Variants in ARVCF observed in about 807,000 individuals in gnomAD.
ARVCF encodes ARVCF delta catenin family member, also known as splicing regulator ARVCF.
ARVCF carries 66 observed loss-of-function variants against 90.9 expected under a neutral mutation model. The ratio of observed to expected loss-of-function variants is 0.73; its 90% CI spans 0.60 to 0.89. ARVCF has a LOEUF of 0.89. ARVCF is among the 40% of genes least tolerant of loss of function. The pLI, the probability that ARVCF is intolerant of heterozygous loss-of-function variation, is 0.00. For synonymous variants in ARVCF, 653 were observed against 603.4 expected, an observed-to-expected ratio of 1.08 and a Z score of -1.21; for missense variants, 1,469 against 1,382.3, an observed-to-expected ratio of 1.06 and a Z score of -1.00.
intron 4 of ARVCF, 52 bp from the exon 5 acceptor site, chr22:19,981,789 G>C: frequency 6.5e-7 from 1 of 1,549,544 alleles, no homozygotes; most frequent in Non-Finnish European, 8.7e-7. Flanking sequence ...CCTAGAAACT[G>C]CTTTGCTGGG....
chr22:19,990,214 G>A (rs1943973128), intron 3 of ARVCF, among the ~76,000 whole-genome samples: 1 of 152,190 alleles, frequency 6.6e-6, no homozygotes, highest in Admixed American at 6.5e-5. Flanking sequence ...GCCTCCTCCT[G>A]GGGCTGACCC....
downstream of ARVCF, chr22:19,968,914 T>C: frequency 1.6e-6 from 1 of 617,836 alleles, no homozygotes; most frequent in South Asian, 1.9e-5. Context: ...ATTGTTCTTT[T>C]TTAAGACTCA....
rs1196167114 is a variant in ARVCF, at chr22:19,973,101, G to A, written c.2438+18C>T. The A allele has an allele frequency of 2.7e-6, 3 of 1,105,606 alleles. No homozygotes were observed. Among genetic ancestry groups the A allele is most frequent in the Admixed American group, 2.1e-5 (1 of 47,714 alleles). 68.5% of individuals were successfully genotyped at this position (1,105,606 alleles called of 1,614,324 possible). On this transcript the variant is annotated intron_variant, in intron 14 of 19. Coordinates refer to ENST00000263207, the MANE Select transcript of ARVCF (RefSeq NM_001670.3). ...CACCTCCGCGGCTCCCCAAGCCACC[G>A]ACCCCGCCCCTCCACACCTGGAGGC... is the stretch of plus-strand genomic sequence containing the variant.
At chr22:19,968,901 T>C, downstream of ARVCF, 1 of 640,068 alleles carries the variant, frequency 1.6e-6, no homozygotes, top group Non-Finnish European at 2.8e-6. Context: ...ACTGCAACAC[T>C]GGATTGTTCT....
chr22:19,998,245 C>A (rs1445119684), intron 2 of ARVCF, among the ~76,000 whole-genome samples: 2 of 152,252 alleles, frequency 1.3e-5, no homozygotes, highest in South Asian at 2.1e-4. Context: ...CCCTTTCCCC[C>A]CTCATTGGAA....
intron 2 of ARVCF, among the ~76,000 whole-genome samples, chr22:19,993,989 G>A (rs772682918): frequency 1.3e-5 from 2 of 152,318 alleles, no homozygotes; most frequent in East Asian, 1.9e-4. Context: ...CAGGTGGCCC[G>A]AGGAGAGAAG....
intron 6 of ARVCF, chr22:19,979,384 G>C (rs1423123137): frequency 3.9e-6 from 2 of 514,518 alleles, no homozygotes; most frequent in East Asian, 6.6e-5. Flanking sequence ...GAGACACGGT[G>C]ACCCTACCTG....
At chr22:19,969,659 C>A, downstream of ARVCF, 1 of 188,534 alleles carries the variant, frequency 5.3e-6, no homozygotes, top group Non-Finnish European at 9.9e-6. Flanking sequence ...AGATTCTACT[C>A]CTGGGCTCAA....
intron 6 of ARVCF, 187 bp downstream of exon 6, chr22:19,979,556 G>A (rs1179964195): frequency 2.2e-6 from 2 of 905,366 alleles, no homozygotes; most frequent in Non-Finnish European, 3.2e-6. Context: ...CTATGGTAGA[G>A]ACTGGGGAAC....
At position 19,974,119 on chromosome 22, in the gene ARVCF, T is replaced by C. The variant is rs550149998; in HGVS notation, c.2081A>G (p.Asn694Ser). The part of the protein sequence containing the change: ...AGALQNLSAG[N>S]WMWATYIRAT... Reference sequence around the variant, plus strand: ...CCCGACCTGGTCCCTCACCATCCAGTTGCCGGCACTGAGGTTCTGCAGAGC... The same window carrying C: ...CCCGACCTGGTCCCTCACCATCCAGCTGCCGGCACTGAGGTTCTGCAGAGC... Residue 694 changes from asparagine (N) to serine (S), a missense_variant, in exon 12 of 20, where the codon AAC (asparagine) becomes AGC (serine). Transcript: ENST00000263207. 2.5e-5 allele frequency: 40 copies of C among 1,609,924 alleles called. No homozygotes were observed. In the East Asian group the frequency reaches 7.4e-4, roughly 30 times the overall value.
chr22:20,002,963 A>G (rs1400485627), intron 2 of ARVCF, among the ~76,000 whole-genome samples: 1 of 152,230 alleles, frequency 6.6e-6, no homozygotes, highest in Non-Finnish European at 1.5e-5. Context: ...TACAAATCCA[A>G]GAACCACAAA....
chr22:20,011,211 C>T (rs1159890624), intron 1 of ARVCF, among the ~76,000 whole-genome samples: 1 of 152,218 alleles, frequency 6.6e-6, no homozygotes, highest in Non-Finnish European at 1.5e-5. Flanking sequence ...GAGGACCCTG[C>T]GGCTTCCTGT....
chr22:19,979,327 C>A lies in ARVCF; in HGVS notation c.1397-247G>T. 9.1e-6 allele frequency: 5 copies of A among 548,986 alleles called. No individual in the cohort carries two copies. In the South Asian group the frequency reaches 1.2e-4, roughly 13 times the overall value. 34.0% of individuals were successfully genotyped at this position (548,986 alleles called of 1,614,324 possible). ...GCTGTCCCGTCCCACCCATTCCCTG[C>A]CATGTGGCAGGTGGCACTAACACTC... On this transcript the variant is annotated intron_variant, in intron 6 of 19. Transcript: ENST00000263207.
At chr22:19,986,176 T>C (rs905798026) in intron 3 of ARVCF, among the ~76,000 whole-genome samples, 6 of 152,198 alleles carry the variant, frequency 3.9e-5, no homozygotes, top group African/African-American at 1.4e-4. Context: ...CAAGCTCAGC[T>C]TGGGGTCATC....
Position 20,005,616 on chromosome 22 carries a change from G to A in ARVCF, c.-19+4839C>T, listed in dbSNP as rs554721799. Among the ~76,000 whole-genome samples, 290 of 152,098 alleles carry A rather than the reference G, an allele frequency of 1.9e-3. 6 individuals carry two copies. In the South Asian group the frequency reaches 0.02, roughly 11 times the overall value. ...GGGTGGATCACAAGGTCAGGAGATCGAGACCATCCTGGCTAGCACGGTGAA... is the reference window on the plus strand; with the variant it reads ...GGGTGGATCACAAGGTCAGGAGATCAAGACCATCCTGGCTAGCACGGTGAA... On this transcript the variant is annotated intron_variant, in intron 2 of 19. Transcript: ENST00000263207.
At chr22:20,000,871 T>A (rs1161073471) in intron 2 of ARVCF, among the ~76,000 whole-genome samples, 1 of 152,174 alleles carries the variant, frequency 6.6e-6, no homozygotes, top group Non-Finnish European at 1.5e-5. Context: ...GATCTTGGAC[T>A]TCCCAGCCTC....
intron 3 of ARVCF, among the ~76,000 whole-genome samples, chr22:19,986,421 TC>T (rs377489746): frequency 1.3e-5 from 2 of 151,968 alleles, no homozygotes; most frequent in African/African-American, 2.4e-5. Context: ...TGCCTATGCC[TC>T]CCCCCACCTC....
rs943875243 is a variant in ARVCF, at chr22:19,974,085, C to T, written c.2088+27G>A. 6.3e-6 allele frequency: 10 copies of T among 1,588,342 alleles called. No individual in the cohort carries two copies. In the African/African-American group the frequency reaches 1.1e-4, roughly 17 times the overall value. On this transcript the variant is annotated intron_variant, in intron 12 of 19. Transcript: ENST00000263207. ...CTGGGATTCCCTCTCTCAGGACTTG[C>T]CCACCCTGCCCGACCTGGTCCCTCA...
At chr22:19,979,674 G>A (rs985792023) in intron 6 of ARVCF, 69 bp downstream of exon 6, 33 of 1,492,852 alleles carry the variant, frequency 2.2e-5, no homozygotes, top group Admixed American at 1.7e-4. Context: ...GAGTGGCCTC[G>A]TTCCTCCCGG....
Sources: allele counts gnomAD v4.1 joint callset (sites outside exome capture counted in the v4.1 genomes callset), GRCh38; gene constraint gnomAD v4.1.1; transcripts MANE v1.5; gene names NCBI Gene and HGNC (gene_info 2026-07-23, HGNC 2026-07-21).